Variants in ABCA4 observed in about 807,000 individuals in gnomAD.
The protein encoded by ABCA4 is retinal-specific phospholipid-transporting ATPase ABCA4.
ABCA4 carries 196 observed loss-of-function variants against 263.7 expected under a neutral mutation model. That is an observed-to-expected ratio of 0.74 (90% CI 0.66 to 0.84). ABCA4 has a LOEUF of 0.84. Among genes scored for constraint, ABCA4 ranks in the 40% least tolerant of loss-of-function variants. The pLI is 0.00. For synonymous variants in ABCA4, 1,133 were observed against 1,094.2 expected (o/e 1.04, Z -0.70); for missense variants, 2,792 against 2,855.1 (o/e 0.98, Z 0.50).
intron 36 of ABCA4, among the ~76,000 whole-genome samples, chr1:94,017,356 C>A (rs1659771132): frequency 1.3e-5 from 2 of 152,116 alleles, no homozygotes; most frequent in African/African-American, 4.8e-5. Flanking sequence ...ATACTGCTGC[C>A]AAGATGCACA....
rs188018190 is a variant in ABCA4 at position 94,120,387 on chromosome 1, A to G, written c.66+593T>C. 4.7e-3 allele frequency among the ~76,000 whole-genome samples: 709 copies of G among 152,280 alleles called. 15 individuals are homozygous for G. Among genetic ancestry groups the G allele is most frequent in the Non-Finnish European group, 3.1e-3 (209 of 68,026 alleles). On this transcript the variant is annotated intron_variant, in intron 1 of 49. Transcript: ENST00000370225. Reference sequence around the variant, plus strand: ...GATGGTTAATAACGTATTGCATCTCACAGAATCTAGGACGCAGTCAATTGT... The same window carrying G: ...GATGGTTAATAACGTATTGCATCTCGCAGAATCTAGGACGCAGTCAATTGT...
At chr1:94,011,067 C>G in intron 39 of ABCA4, 138 bp from the exon 40 acceptor site, 3 of 1,544,330 alleles carry the variant, frequency 1.9e-6, no homozygotes, top group Non-Finnish European at 2.7e-6. Context: ...AAGGGCTGCC[C>G]TCCATCCCTC....
At chr1:94,035,770 T>C (rs1459953253) in intron 26 of ABCA4, among the ~76,000 whole-genome samples, 1 of 152,182 alleles carries the variant, frequency 6.6e-6, no homozygotes, top group African/African-American at 2.4e-5. Flanking sequence ...AAGTGGTTTC[T>C]GTTTGTGTGG....
chr1:94,104,969 GCACACACATGCA>G (rs995323706), intron 4 of ABCA4, among the ~76,000 whole-genome samples: 17 of 151,722 alleles, frequency 1.1e-4, no homozygotes, highest in South Asian at 2.1e-4. Context: ...ACACACGCAT[GCACACACATGCA>G]CACACACATG....
chr1:94,015,685 C>T (rs1659713831), intron 37 of ABCA4, 54 bp downstream of exon 37: 1 of 1,446,216 alleles, frequency 6.9e-7, no homozygotes, highest in South Asian at 1.2e-5. Context: ...GATCCCCCAC[C>T]CCCACCACCA....
At chr1:94,078,167 A>G (rs568795651) in intron 10 of ABCA4, among the ~76,000 whole-genome samples, 1 of 152,224 alleles carries the variant, frequency 6.6e-6, no homozygotes, top group Non-Finnish European at 1.5e-5. Flanking sequence ...GCTTATGGAT[A>G]TTTTTGTTTT....
At chr1:94,079,300 G>A in intron 9 of ABCA4, 22 bp downstream of exon 9, 1 of 1,613,898 alleles carries the variant, frequency 6.2e-7, no homozygotes, top group Non-Finnish European at 8.5e-7. Flanking sequence ...GGTACACAAG[G>A]CAAGCCCAGC....
chr1:94,062,594 G>C lies in ABCA4; in HGVS notation c.1920C>G (p.Pro640=). Residue 640 remains proline, a synonymous_variant, in exon 13 of 50, where the codon CCC becomes CCG. Coordinates refer to ENST00000370225, the MANE Select transcript of ABCA4 (RefSeq NM_000350.3). ...VGIYLQQMPY[P]CFVDDSFMII... ...AGACTCACGAATCGTCCACGAAGCA[G>C]GGGTAGGGCATCTGCTGGAGGTAGA... 6.2e-7 allele frequency: 1 copy of C among 1,613,796 alleles called. No individual in the cohort carries two copies.
At chr1:94,047,782 A>G (rs1337237805) in intron 18 of ABCA4, among the ~76,000 whole-genome samples, 3 of 150,672 alleles carry the variant, frequency 2.0e-5, no homozygotes, top group Admixed American at 6.6e-5. Flanking sequence ...CATCCCTCAA[A>G]CCCCACTCCC....
At chr1:94,065,392 C>T (rs554611214) in intron 11 of ABCA4, among the ~76,000 whole-genome samples, 24 of 152,162 alleles carry the variant, frequency 1.6e-4, no homozygotes, top group Non-Finnish European at 1.6e-4. Flanking sequence ...AATAAAGAAA[C>T]GAGAAAGGCA....
rs572718478 is a variant in ABCA4, at chr1:94,111,665, G to T, written c.161-86C>A. ...CCTAGGAGTTGGCCTTTTTGGGAAG[G>T]GGCCCGGGCCCCTCTGATGTCCTCC... On this transcript the variant is annotated intron_variant, in intron 2 of 49. Coordinates refer to ENST00000370225, the MANE Select transcript of ABCA4 (RefSeq NM_000350.3). 17 of 1,509,138 alleles carry T rather than the reference G, an allele frequency of 1.1e-5. No homozygotes were observed. The East Asian group carries it at 3.2e-4, about 28-fold the overall frequency. 93.5% of individuals were successfully genotyped at this position (1,509,138 alleles called of 1,614,324 possible).
chr1:94,101,724 G>C (rs1002471064), intron 5 of ABCA4, among the ~76,000 whole-genome samples: 2 of 152,208 alleles, frequency 1.3e-5, no homozygotes, highest in Non-Finnish European at 2.9e-5. Context: ...GGGTGTCTGG[G>C]ATATCAGCTG....
At chr1:94,060,199 T>C (rs1474861535) in intron 14 of ABCA4, among the ~76,000 whole-genome samples, 1 of 152,196 alleles carries the variant, frequency 6.6e-6, no homozygotes, top group Non-Finnish European at 1.5e-5. Context: ...TTTTTCTGTG[T>C]TTGGAAAGAG....
rs2101079203 is a variant in ABCA4 at position 94,063,209 on chromosome 1, C to T, written c.1663G>A (p.Asp555Asn). The T allele has an allele frequency of 1.9e-6, 3 of 1,614,126 alleles. No homozygotes were observed. Among genetic ancestry groups the T allele is most frequent in the East Asian group, 4.5e-5 (2 of 44,874 alleles). Reference sequence around the variant, plus strand: ...AGAGAGCTGGTCCAGGGATACATGTCAGGGAATACCACTCCGGCCCAGAAC... The same window carrying T: ...AGAGAGCTGGTCCAGGGATACATGTTAGGGAATACCACTCCGGCCCAGAAC... The part of the protein sequence containing the change: ...NMFWAGVVFP[D>N]MYPWTSSLPP... The change falls in exon 12 of 50, where the codon GAC (aspartate) becomes AAC (asparagine). Residue 555 changes from aspartate (D) to asparagine (N), a missense_variant. By Grantham distance (23) the Asp-to-Asn change is conservative. Transcript: ENST00000370225.
rs7531001 is a variant in ABCA4 at position 94,007,353 on chromosome 1, G to A, written c.6005+281C>T. Among the ~76,000 whole-genome samples, 29,202 of 152,142 alleles carry A rather than the reference G, an allele frequency of 0.19. 2,903 individuals carry two copies. Among genetic ancestry groups the A allele is most frequent in the African/African-American group, 0.24 (9,775 of 41,510 alleles). On this transcript the variant is annotated intron_variant, in intron 43 of 49. Coordinates refer to ENST00000370225, the MANE Select transcript of ABCA4 (RefSeq NM_000350.3). ...ATTCATCAGATGCTTAAAAGGTTCC[G>A]TGACCTCTAAGAGATTAAGAACCAC...
intron 47 of ABCA4, among the ~76,000 whole-genome samples, chr1:94,000,285 CTT>C (rs1056535968): frequency 6.6e-6 from 1 of 152,192 alleles, no homozygotes; most frequent in African/African-American, 2.4e-5. Context: ...CATGCAAACT[CTT>C]AATAATAAGG....
chr1:94,012,793 G>T (rs2101010648), intron 38 of ABCA4, among the ~76,000 whole-genome samples: 1 of 151,898 alleles, frequency 6.6e-6, no homozygotes, highest in South Asian at 2.1e-4. Context: ...TTCGTGGGCA[G>T]GTCCTTTTCC....
intron 1 of ABCA4, among the ~76,000 whole-genome samples, chr1:94,113,293 C>G (rs1251574634): frequency 1.3e-5 from 2 of 152,144 alleles, no homozygotes; most frequent in South Asian, 2.1e-4. Flanking sequence ...TCCACTCTGC[C>G]TCTATTTTAG....
In ABCA4 at chr1:94,045,899, C is replaced by T. The variant is rs774510081; in HGVS notation, c.2918+1020G>A. 219 of 456,250 alleles carry T rather than the reference C, an allele frequency of 4.8e-4. 2 individuals carry two copies. The highest frequency in any genetic ancestry group is 3.3e-3 in the South Asian group (213 of 64,568). The allele number at this position is 456,250 out of a possible 1,614,324, so 28.3% of individuals were successfully genotyped here. A position where few individuals can be genotyped will look rare whatever the true frequency, so the allele number is the denominator to read the frequency against. ...TCTGCTGCTCCTTGGGAAACCATGGCGGGCCGTGTTCTCCTCTCAGCAGAT... is the reference window on the plus strand; with the variant it reads ...TCTGCTGCTCCTTGGGAAACCATGGTGGGCCGTGTTCTCCTCTCAGCAGAT... On this transcript the variant is annotated intron_variant, in intron 19 of 49. Transcript: ENST00000370225.
Sources: gnomAD v4.1 joint callset for allele counts (sites outside exome capture counted in the v4.1 genomes callset) on GRCh38, gnomAD v4.1.1 for gene constraint, MANE v1.5 for transcripts, NCBI Gene and HGNC (gene_info 2026-07-23, HGNC 2026-07-21) for gene names.